Variants in TSPOAP1 observed in about 807,000 individuals in gnomAD.
TSPOAP1 encodes the protein TSPO associated protein 1.
TSPOAP1 carries 87 observed loss-of-function variants against 197.0 expected under a neutral mutation model. That is an observed-to-expected ratio of 0.44 (90% CI 0.37 to 0.53). The LOEUF is 0.53. Ranked by LOEUF, TSPOAP1 falls within the 20% of genes least tolerant of loss-of-function variation. The pLI, the probability that TSPOAP1 is intolerant of heterozygous loss-of-function variation, is 0.00. For missense variants in TSPOAP1, 2,174 were observed against 2,411.3 expected (o/e 0.90, Z 2.06); for synonymous variants, 913 against 998.9 (o/e 0.91, Z 1.62).
rs1971224921 is a variant in TSPOAP1 at position 58,316,126 on chromosome 17, G to C, written c.1995C>G (p.Asn665Lys). ...GATTCTCATTGGGACCCTCAAAGGGGTTGTAGCTGTTAGGGGAGGCACAGA... is the reference window on the plus strand; with the variant it reads ...GATTCTCATTGGGACCCTCAAAGGGCTTGTAGCTGTTAGGGGAGGCACAGA... ...IQVFLARYSY[N>K]PFEGPNENPE... The change falls in exon 16 of 32, where the codon AAC (asparagine) becomes AAG (lysine). Residue 665 changes from asparagine to lysine, a missense_variant. Physicochemically the swap from Asn to Lys is moderately conservative, Grantham distance 94 (BLOSUM62 0). Transcript: ENST00000343736. 6.2e-7 allele frequency: 1 copy of C among 1,613,324 alleles called. No individual in the cohort carries two copies.
At chr17:58,323,242 C>T in intron 7 of TSPOAP1, 56 bp downstream of exon 7, 1 of 1,604,102 alleles carries the variant, frequency 6.2e-7, no homozygotes. Flanking sequence ...AGCCCACCAC[C>T]TGGCTGGCCG....
Position 58,310,086 on chromosome 17 carries a change from A to G in TSPOAP1, c.3772T>C (p.Ser1258Pro). 4 of 1,613,378 alleles carry G rather than the reference A, an allele frequency of 2.5e-6. No individual in the cohort carries two copies. The highest frequency in any genetic ancestry group is 3.4e-6 in the Non-Finnish European group (4 of 1,180,014). ...LVDHGRNSDL[S>P]DIQEEEEEEE... is the part of the protein sequence containing the mutation. ...TCTTCCTCTTCCTCCTGGATGTCTG[A>G]CAGGTCTGAGTTGCGGCCGTGGTCC... The change falls in exon 21 of 32, where the codon TCA becomes CCA. Residue 1258 changes from serine to proline, a missense_variant. Physicochemically the swap from Ser to Pro is moderately conservative, Grantham distance 74. This residue lies in a region of TSPOAP1 where 1,933 missense variants were observed against 2,139.0 expected (regional missense o/e 0.90). Coordinates refer to ENST00000343736, the MANE Select transcript of TSPOAP1 (RefSeq NM_004758.4).
intron 23 of TSPOAP1, 34 bp from the exon 24 acceptor site, chr17:58,307,796 G>A (rs754053673): frequency 3.7e-6 from 6 of 1,613,598 alleles, no homozygotes; most frequent in Middle Eastern, 1.7e-4. Flanking sequence ...GTGACGCAGC[G>A]AGCTCTGGCC....
chr17:58,323,438 G>A (rs1370408438), intron 6 of TSPOAP1, 30 bp downstream of exon 6: 1 of 1,614,206 alleles, frequency 6.2e-7, no homozygotes, highest in Non-Finnish European at 8.5e-7. Context: ...CCCACAGCAG[G>A]CTGCCTCCAG....
Position 58,324,652 on chromosome 17 carries a change from T to C in TSPOAP1, c.942+159A>G, listed in dbSNP as rs1971516745. 6.6e-6 allele frequency among the ~76,000 whole-genome samples: 1 copy of C among 151,556 alleles called. No individual in the cohort carries two copies. Among genetic ancestry groups the C allele is most frequent in the South Asian group, 2.1e-4 (1 of 4,826 alleles). On this transcript the variant is annotated intron_variant, in intron 5 of 31. Transcript: ENST00000343736. The surrounding 1 kb of genome is among the most constrained non-coding windows in gnomAD (Gnocchi z 5.8). Reference sequence around the variant, plus strand: ...GGTACGAGCACGGGAGGCTTGGAGGTGGACCCTGCCCAGGACGGGAAAGCT... The same window carrying C: ...GGTACGAGCACGGGAGGCTTGGAGGCGGACCCTGCCCAGGACGGGAAAGCT...
Position 58,324,766 on chromosome 17 carries a change from C to T in TSPOAP1, c.942+45G>A. 1.5e-6 allele frequency: 2 copies of T among 1,349,048 alleles called. No homozygotes were observed. Among genetic ancestry groups the T allele is most frequent in the African/African-American group, 1.5e-5 (1 of 64,842 alleles). 83.6% of individuals were successfully genotyped at this position (1,349,048 alleles called of 1,614,324 possible). On this transcript the variant is annotated intron_variant, in intron 5 of 31. Coordinates refer to ENST00000343736, the MANE Select transcript of TSPOAP1 (RefSeq NM_004758.4). The surrounding 1 kb of genome is among the most constrained non-coding windows in gnomAD (Gnocchi z 5.8). ...GAGATCCCGGTGGTCGTTCCCCCCA[C>T]CCATCTGCACGCACCCACACACCTG... is the stretch of plus-strand genomic sequence containing the variant.
In TSPOAP1 at chr17:58,325,694, C is replaced by T. The variant is rs780913313; in HGVS notation, c.590G>A (p.Arg197Gln). Residue 197 changes from arginine (R) to glutamine (Q), a missense_variant, in exon 4 of 32, where the codon CGG becomes CAG. By Grantham distance (43) the Arg-to-Gln change is conservative (BLOSUM62 1). This residue lies in a region of TSPOAP1 where 1,933 missense variants were observed against 2,139.0 expected (regional missense o/e 0.90). Coordinates refer to ENST00000343736, the MANE Select transcript of TSPOAP1 (RefSeq NM_004758.4). The part of the protein sequence containing the change: ...NLRVVSAPLP[R>Q]PGTSLELCRK... The stretch of plus-strand genomic sequence containing the variant: ...ACACAACTCCAAGCTGGTCCCCGGC[C>T]GGGGCAAGGGGGCACTCACCTAGCC... 28 of 1,610,672 alleles carry T rather than the reference C, an allele frequency of 1.7e-5. No individual in the cohort carries two copies. Among genetic ancestry groups the T allele is most frequent in the African/African-American group, 6.7e-5 (5 of 74,902 alleles).
rs1395993870 is a variant in TSPOAP1, at chr17:58,302,311, C to T, written c.*169G>A. ...GCCCAGCCTCCTGAGGAGCTGCTTC[C>T]CCTTGGAGAAGAAACCCCACACCTT... On this transcript the variant is annotated 3_prime_UTR_variant, in exon 32 of 32. Coordinates refer to ENST00000343736, the MANE Select transcript of TSPOAP1 (RefSeq NM_004758.4). The T allele has an allele frequency of 7.8e-7, 1 of 1,289,532 alleles. No individual in the cohort carries two copies. Among genetic ancestry groups the T allele is most frequent in the South Asian group, 1.2e-5 (1 of 81,034 alleles). 79.9% of individuals were successfully genotyped at this position (1,289,532 alleles called of 1,614,324 possible).
chr17:58,307,009 C>A, intron 24 of TSPOAP1, 41 bp from the exon 25 acceptor site: 3 of 1,585,318 alleles, frequency 1.9e-6, no homozygotes, highest in Non-Finnish European at 2.6e-6. Context: ...TCTGCTCACT[C>A]CCTATGCCCC....
rs376108005 is a variant in TSPOAP1 at position 58,322,238 on chromosome 17, T to C, written c.1422+70A>G. The C allele has an allele frequency of 2.4e-3, 3,606 of 1,478,404 alleles. 7 individuals carry two copies. The highest frequency in any genetic ancestry group is 8.3e-3 in the South Asian group (722 of 86,536). 91.6% of individuals were successfully genotyped at this position (1,478,404 alleles called of 1,614,324 possible). A position where few individuals can be genotyped will look rare whatever the true frequency, so the allele number is the denominator to read the frequency against. ...AGCACAGTGCCGGGCACACAGTAAA[T>C]GCTTGTGGAATGAGTGAGTGGCAAA... On this transcript the variant is annotated intron_variant, in intron 10 of 31. Transcript: ENST00000343736. The surrounding 1 kb of genome is among the most constrained non-coding windows in gnomAD (Gnocchi z 5.0).
At chr17:58,316,161 G>A in intron 15 of TSPOAP1, 29 bp from the exon 16 acceptor site, 4 of 1,536,236 alleles carry the variant, frequency 2.6e-6, no homozygotes, top group Non-Finnish European at 2.7e-6. Context: ...AGGAGGAGGA[G>A]GAGAGTGACC....
chr17:58,304,704 A>AC lies in TSPOAP1; in HGVS notation c.5545-306dup. 1 of 564,316 alleles carries AC rather than the reference A, an allele frequency of 1.8e-6. No individual in the cohort carries two copies. Among genetic ancestry groups the AC allele is most frequent in the Non-Finnish European group, 3.2e-6 (1 of 313,184 alleles). 35.0% of individuals were successfully genotyped at this position (564,316 alleles called of 1,614,324 possible). ...AAGGCACCTGGGAGGTATGGAGACC[A>AC]CCCCCAGGGTGGGAGTGTCCTGAAA... On this transcript the variant is annotated intron_variant, in intron 30 of 31. Coordinates refer to ENST00000343736, the MANE Select transcript of TSPOAP1 (RefSeq NM_004758.4). This position sits in a 1 kb window ranked among gnomAD's most constrained non-coding sequence, Gnocchi z 4.2.
chr17:58,308,929 T>G lies in TSPOAP1; in HGVS notation c.4343A>C (p.Glu1448Ala). 1.3e-6 allele frequency: 2 copies of G among 1,599,260 alleles called. No homozygotes were observed. The highest frequency in any genetic ancestry group is 1.7e-6 in the Non-Finnish European group (2 of 1,172,838). Reference protein sequence around the residue: ...QASGRLGPTRERGGLPVIEGP... With the variant: ...QASGRLGPTRARGGLPVIEGP... ...CTCAATTACGGGGAGGCCACCCCTC[T>G]CCCGTGTGGGGCCCAGTCGTCCAGA... The change falls in exon 22 of 32, where the codon GAG (glutamate) becomes GCG (alanine). Residue 1448 changes from glutamate (E) to alanine (A), a missense_variant. Transcript: ENST00000343736.
Position 58,322,395 on chromosome 17 carries a change from G to A in TSPOAP1, c.1335C>T (p.Ala445=), listed in dbSNP as rs748890561. The A allele has an allele frequency of 6.2e-7, 1 of 1,606,496 alleles. No homozygotes were observed. Among genetic ancestry groups the A allele is most frequent in the South Asian group, 1.1e-5 (1 of 91,080 alleles). Residue 445 remains alanine (A), a synonymous_variant, in exon 10 of 32, where the codon GCC becomes GCT. Transcript: ENST00000343736. The surrounding 1 kb of genome is among the most constrained non-coding windows in gnomAD (Gnocchi z 5.0). ...EQVLKHMREV[A]QRRQQLEVEH... is the part of the protein sequence containing the mutation. ...CCACCTCCAGCTGCTGCCGCCGCTG[G>A]GCCACCTCCCGCATGTGCTGAAACA...
chr17:58,311,872 C>T lies in TSPOAP1; in HGVS notation c.2929+20G>A, dbSNP rs908521982. The T allele has an allele frequency of 1.4e-5, 21 of 1,515,774 alleles. No individual in the cohort carries two copies. The highest frequency in any genetic ancestry group is 6.9e-5 in the East Asian group (3 of 43,574). 93.9% of individuals were successfully genotyped at this position (1,515,774 alleles called of 1,614,324 possible). A position where few individuals can be genotyped will look rare whatever the true frequency, so the allele number is the denominator to read the frequency against. On this transcript the variant is annotated intron_variant, in intron 17 of 31. Coordinates refer to ENST00000343736, the MANE Select transcript of TSPOAP1 (RefSeq NM_004758.4). The stretch of plus-strand genomic sequence containing the variant: ...CTGGCCTCCTGGGTGTTCTGGACAA[C>T]AGGGCCCAAGCCCACATACCTGCTG...
At position 58,310,739 on chromosome 17, in the gene TSPOAP1, C is replaced by T; in HGVS notation, c.3472G>A (p.Ala1158Thr). The T allele has an allele frequency of 6.2e-7, 1 of 1,612,228 alleles. No homozygotes were observed. The highest frequency in any genetic ancestry group is 8.5e-7 in the Non-Finnish European group (1 of 1,179,398). Residue 1158 changes from alanine to threonine, a missense_variant, in exon 20 of 32, where the codon GCA (alanine) becomes ACA (threonine). Ala to Thr is a moderately conservative substitution (Grantham distance 58). Transcript: ENST00000343736. ...PAPCSQEEAG[A>T]AVLGTSEERT... ...TCCTCTGAGGTGCCCAGCACTGCTG[C>T]CCCAGCCTCCTCCTGGAACAGAGAG...
chr17:58,310,997 C>T lies in TSPOAP1; in HGVS notation c.3298G>A (p.Ala1100Thr). Reference protein sequence around the residue: ...PSPHPSPEARAPLASASPGPG... With the variant: ...PSPHPSPEARTPLASASPGPG... ...CCTGGGGAGGCTGAAGCAAGGGGCG[C>T]TCTGGCCTCTGGGCTTGGGTGCGGT... The change falls in exon 19 of 32, where the codon GCG becomes ACG. Residue 1100 changes from alanine (A) to threonine (T), a missense_variant. Ala to Thr is a moderately conservative substitution (Grantham distance 58). This residue lies in a region of TSPOAP1 where 1,933 missense variants were observed against 2,139.0 expected (regional missense o/e 0.90). Transcript: ENST00000343736. 1 of 1,600,202 alleles carries T rather than the reference C, an allele frequency of 6.2e-7. No homozygotes were observed. The highest frequency in any genetic ancestry group is 1.1e-5 in the South Asian group (1 of 89,632).
Position 58,302,227 on chromosome 17 carries a change from G to C in TSPOAP1, c.*253C>G. On this transcript the variant is annotated 3_prime_UTR_variant, in exon 32 of 32. Transcript: ENST00000343736. ...GCTCAGCAGAGACAGTGATCTGGGG[G>C]CCTCTCAGGGCCTCTTCTGCCTGCA... 7.8e-7 allele frequency: 1 copy of C among 1,285,828 alleles called. No homozygotes were observed. The highest frequency in any genetic ancestry group is 1.0e-6 in the Non-Finnish European group (1 of 986,464). The allele number at this position is 1,285,828 out of a possible 1,614,324, so 79.7% of individuals were successfully genotyped here.
chr17:58,313,543 A>G (rs1376577641), intron 16 of TSPOAP1, among the ~76,000 whole-genome samples: 2 of 151,908 alleles, frequency 1.3e-5, no homozygotes, highest in Non-Finnish European at 2.9e-5. Flanking sequence ...CCCGGGAGGC[A>G]GAAGCTAGAA....
Sources: allele counts gnomAD v4.1 joint callset (sites outside exome capture counted in the v4.1 genomes callset), GRCh38; gene constraint gnomAD v4.1.1; regional missense constraint gnomAD v4.1.1; non-coding constraint Gnocchi (gnomAD v3.1); transcripts MANE v1.5; gene names NCBI Gene and HGNC (gene_info 2026-07-23, HGNC 2026-07-21).